Variants in NEGR1 observed in about 807,000 individuals in gnomAD.
NEGR1 encodes neuronal growth regulator 1, also known as IgLON family member 4.
In NEGR1, 10 loss-of-function variants were observed where a neutral mutation model predicts 40.9. The ratio of observed to expected loss-of-function variants is 0.24; its 90% CI spans 0.15 to 0.42. The LOEUF (loss-of-function observed/expected upper bound fraction) is 0.42. NEGR1 is among the 10% of genes least tolerant of loss of function. The pLI, the probability that NEGR1 is intolerant of heterozygous loss-of-function variation, is 1.00. For synonymous variants in NEGR1, 185 were observed against 166.8 expected (o/e 1.11, Z -0.84); for missense variants, 352 against 438.9 (o/e 0.80, Z 1.77).
chr1:72,083,853 A>C (rs1648103229), intron 1 of NEGR1, among the ~76,000 whole-genome samples: 1 of 151,096 alleles, frequency 6.6e-6, no homozygotes, highest in Non-Finnish European at 1.5e-5. Context: ...TCTGCCCCAG[A>C]GTGGTATATC....
chr1:71,635,610 C>T (rs1263928208), intron 4 of NEGR1, among the ~76,000 whole-genome samples: 4 of 152,034 alleles, frequency 2.6e-5, no homozygotes, highest in East Asian at 1.9e-4. Flanking sequence ...ACTGGCTGGA[C>T]GATCATGCCA....
intron 6 of NEGR1, among the ~76,000 whole-genome samples, chr1:71,508,245 T>C (rs550960900): frequency 2.0e-5 from 3 of 152,256 alleles, no homozygotes; most frequent in African/African-American, 7.2e-5. Flanking sequence ...TAAGTGCTCC[T>C]GGCCACTATG....
chr1:71,425,881 A>C (rs1041172161), intron 6 of NEGR1, among the ~76,000 whole-genome samples: 2 of 152,206 alleles, frequency 1.3e-5, no homozygotes, highest in Admixed American at 1.3e-4. Flanking sequence ...AGGACAAAAA[A>C]CACCAAACAT....
intron 2 of NEGR1, among the ~76,000 whole-genome samples, chr1:71,833,330 G>A (rs1658902361): frequency 6.6e-6 from 1 of 152,022 alleles, no homozygotes; most frequent in Non-Finnish European, 1.5e-5. Flanking sequence ...AAAATTCTGA[G>A]TTAGACACTA....
intron 2 of NEGR1, among the ~76,000 whole-genome samples, chr1:71,815,824 C>T (rs1411689093): frequency 1.3e-5 from 2 of 151,762 alleles, no homozygotes; most frequent in Non-Finnish European, 2.9e-5. Flanking sequence ...TCTTCCTCGA[C>T]TTTTTTTACT....
intron 1 of NEGR1, among the ~76,000 whole-genome samples, chr1:72,080,159 A>G (rs1364443043): frequency 6.6e-6 from 1 of 152,134 alleles, no homozygotes; most frequent in Non-Finnish European, 1.5e-5. Context: ...ATTTGATGTT[A>G]TGAATATAAT....
chr1:71,454,676 C>A (rs1646658262), intron 6 of NEGR1, among the ~76,000 whole-genome samples: 1 of 152,098 alleles, frequency 6.6e-6, no homozygotes, highest in Admixed American at 6.5e-5. Flanking sequence ...ACCAGAAGGT[C>A]CAGCTTCAGG....
intron 1 of NEGR1, among the ~76,000 whole-genome samples, chr1:72,107,065 T>A (rs2100258873): frequency 6.6e-6 from 1 of 151,874 alleles, no homozygotes; most frequent in Middle Eastern, 3.4e-3. Context: ...ATACAATGAT[T>A]TAAATGAAAT....
At chr1:71,804,650 C>A (rs1354468520) in intron 2 of NEGR1, among the ~76,000 whole-genome samples, 1 of 152,180 alleles carries the variant, frequency 6.6e-6, no homozygotes, top group Non-Finnish European at 1.5e-5. Context: ...CCAGTCAATA[C>A]CCTTGTGATT....
chr1:71,690,560 T>A (rs924421781), intron 4 of NEGR1, among the ~76,000 whole-genome samples: 3 of 113,990 alleles, frequency 2.6e-5, no homozygotes, highest in African/African-American at 1.0e-4. Context: ...ACATATAAGT[T>A]ATATAACACA....
At chr1:71,675,112 C>CATATATATATTTATATATATATAT (rs1652575027) in intron 4 of NEGR1, among the ~76,000 whole-genome samples, 1 of 45,172 alleles carries the variant, frequency 2.2e-5, no homozygotes, top group Non-Finnish European at 5.6e-5. Context: ...CATGTTTATT[C>CATATATATATTTATATATATATAT]ATATATATAT....
chr1:71,966,512 C>T (rs1646210996), intron 1 of NEGR1, among the ~76,000 whole-genome samples: 1 of 152,092 alleles, frequency 6.6e-6, no homozygotes. Context: ...CTGATGGTTG[C>T]CCTCTGCAAA....
chr1:71,658,127 T>C (rs546951084), intron 4 of NEGR1, among the ~76,000 whole-genome samples: 16 of 152,350 alleles, frequency 1.1e-4, no homozygotes, highest in Middle Eastern at 3.4e-3. Flanking sequence ...ATCTGTATTA[T>C]GTTGAAAGTT....
At chr1:71,453,159 A>C (rs555458389) in intron 6 of NEGR1, among the ~76,000 whole-genome samples, 1 of 152,190 alleles carries the variant, frequency 6.6e-6, no homozygotes, top group Non-Finnish European at 1.5e-5. Context: ...AGAAGCTATT[A>C]TACTTTTAAG....
At chr1:71,778,966 G>C (rs1224747933) in intron 2 of NEGR1, among the ~76,000 whole-genome samples, 2 of 152,180 alleles carry the variant, frequency 1.3e-5, no homozygotes, top group African/African-American at 4.8e-5. Context: ...GTAGTGTGGG[G>C]AGAGTGGTAA....
chr1:71,865,709 C>T (rs533860629), intron 2 of NEGR1, among the ~76,000 whole-genome samples: 66 of 152,196 alleles, frequency 4.3e-4, no homozygotes, highest in Admixed American at 9.2e-4. Flanking sequence ...ATCTAACAAA[C>T]CTGCACGTTC....
At chr1:71,527,335 A>G (rs77410693) in intron 6 of NEGR1, among the ~76,000 whole-genome samples, 6,079 of 151,034 alleles carry the variant, frequency 0.04, 395 homozygotes, top group African/African-American at 0.14. Context: ...CTAAAGCTCT[A>G]CCTCTATGAA....
At chr1:71,839,664 G>T (rs1659168407) in intron 2 of NEGR1, among the ~76,000 whole-genome samples, 1 of 152,102 alleles carries the variant, frequency 6.6e-6, no homozygotes. Flanking sequence ...GATACAACAG[G>T]CTGCTTCTTC....
At chr1:71,436,138 T>C (rs763038193) in intron 6 of NEGR1, among the ~76,000 whole-genome samples, 1 of 151,882 alleles carries the variant, frequency 6.6e-6, no homozygotes, top group Non-Finnish European at 1.5e-5. Flanking sequence ...AAATTCCTGC[T>C]GGAGGAAACA....
Sources: gnomAD v4.1 joint callset for allele counts (sites outside exome capture counted in the v4.1 genomes callset) on GRCh38, gnomAD v4.1.1 for gene constraint, MANE v1.5 for transcripts, NCBI Gene and HGNC (gene_info 2026-07-23, HGNC 2026-07-21) for gene names.